Variants in DMD observed in about 807,000 individuals in gnomAD.
DMD encodes the protein dystrophin.
DMD carries 63 observed loss-of-function variants against 330.1 expected under a neutral mutation model. The ratio of observed to expected loss-of-function variants is 0.19; its 90% confidence interval spans 0.16 to 0.24. DMD has a LOEUF of 0.24. Ranked by LOEUF, DMD falls within the 10% of genes least tolerant of loss-of-function variation. The pLI is 1.00. For synonymous variants in DMD, 1,223 were observed against 959.8 expected (o/e 1.27, Z -5.07); for missense variants, 3,344 against 2,684.1 (o/e 1.25, Z -5.43).
intron 1 of DMD, among the ~76,000 whole-genome samples, chrX:33,166,780 T>TA (rs776146314): frequency 2.2e-4 from 24 of 107,637 alleles, no homozygotes; most frequent in Middle Eastern, 4.9e-3. Context: ...TATATATATA[T>TA]TTTTTTTCCT....
chrX:32,731,330 G>A (rs184371569), intron 7 of DMD, among the ~76,000 whole-genome samples: 6 of 112,495 alleles, frequency 5.3e-5, no homozygotes, highest in African/African-American at 1.9e-4. Context: ...CAGCAAGGCT[G>A]GGGGAGGGGC....
chrX:31,174,494 A>G (rs964388604), intron 71 of DMD, among the ~76,000 whole-genome samples: 2 of 111,505 alleles, frequency 1.8e-5, no homozygotes, highest in Non-Finnish European at 3.8e-5. Flanking sequence ...AAAAAAAACC[A>G]TCTGTTCTGA....
intron 44 of DMD, among the ~76,000 whole-genome samples, chrX:32,212,965 G>C (rs1440158669): frequency 9.0e-6 from 1 of 111,483 alleles, no homozygotes; most frequent in Non-Finnish European, 1.9e-5. Flanking sequence ...AGTATATTTT[G>C]AATGATAACA....
At chrX:31,819,173 T>C (rs2149421088) in intron 50 of DMD, among the ~76,000 whole-genome samples, 1 of 112,420 alleles carries the variant, frequency 8.9e-6, no homozygotes, top group Non-Finnish European at 1.9e-5. Context: ...TGAGAATTTA[T>C]GAATACCTTC....
chrX:31,508,111 C>T (rs2071130773), intron 55 of DMD: 4 of 671,475 alleles, frequency 6.0e-6, no homozygotes, highest in South Asian at 2.6e-5. Flanking sequence ...GTGGAAAGTA[C>T]ATAGGACCTT....
At chrX:32,911,577 A>G (rs771582245) in intron 2 of DMD, among the ~76,000 whole-genome samples, 1 of 111,996 alleles carries the variant, frequency 8.9e-6, no homozygotes. Context: ...AATTGTCTGC[A>G]TTTAAAACTT....
intron 19 of DMD, 45 bp from the exon 20 acceptor site, chrX:32,491,563 C>T: frequency 8.6e-7 from 1 of 1,160,777 alleles, no homozygotes; most frequent in Non-Finnish European, 1.2e-6. Flanking sequence ...AACCCACAGA[C>T]TGAAAGAAAT....
intron 1 of DMD, among the ~76,000 whole-genome samples, chrX:33,221,125 T>C (rs2052166489): frequency 8.9e-6 from 1 of 111,800 alleles, no homozygotes; most frequent in Non-Finnish European, 1.9e-5. Flanking sequence ...CAAATTCTCA[T>C]TTAAAACAAT....
chrX:33,280,936 C>T (rs1051266811), intron 1 of DMD, among the ~76,000 whole-genome samples: 1 of 111,293 alleles, frequency 9.0e-6, no homozygotes, highest in African/African-American at 3.3e-5. Flanking sequence ...TCTATACATC[C>T]TATATAATTT....
At chrX:32,103,164 A>G (rs559296660) in intron 44 of DMD, among the ~76,000 whole-genome samples, 2 of 111,496 alleles carry the variant, frequency 1.8e-5, no homozygotes, top group South Asian at 7.5e-4. Flanking sequence ...ATAGCTAATC[A>G]TTATTCCAGT....
At chrX:32,552,958 A>G (rs778481676) in intron 16 of DMD, among the ~76,000 whole-genome samples, 1 of 111,777 alleles carries the variant, frequency 8.9e-6, no homozygotes, top group Admixed American at 9.5e-5. Context: ...CGTTTATTGC[A>G]CTGCTGATAT....
At chrX:32,962,566 T>C (rs1402021660) in intron 2 of DMD, among the ~76,000 whole-genome samples, 1 of 111,552 alleles carries the variant, frequency 9.0e-6, no homozygotes, top group East Asian at 2.8e-4. Context: ...CTGAGCTTGG[T>C]TCTTTGTAGA....
intron 60 of DMD, among the ~76,000 whole-genome samples, chrX:31,376,595 C>G (rs980641090): frequency 1.8e-5 from 2 of 111,920 alleles, no homozygotes; most frequent in Non-Finnish European, 3.8e-5. Flanking sequence ...AAATTCCTGT[C>G]TAGCAAGAAT....
chrX:31,354,257 G>T (rs1367640898), intron 60 of DMD, among the ~76,000 whole-genome samples: 1 of 111,918 alleles, frequency 8.9e-6, no homozygotes, highest in African/African-American at 3.2e-5. Context: ...TTAGTTGAAT[G>T]AATTAATGTA....
intron 1 of DMD, among the ~76,000 whole-genome samples, chrX:33,313,516 A>T (rs2053881125): frequency 9.0e-6 from 1 of 111,435 alleles, no homozygotes; most frequent in African/African-American, 3.3e-5. Context: ...TAAGCAAAAG[A>T]TTTTTTTACA....
At chrX:33,047,274 G>A (rs2094395965) in intron 1 of DMD, among the ~76,000 whole-genome samples, 1 of 111,636 alleles carries the variant, frequency 9.0e-6, no homozygotes, top group Non-Finnish European at 1.9e-5. Flanking sequence ...CTATCTAAGG[G>A]AACATTACTG....
At chrX:32,761,366 T>C (rs929803543) in intron 7 of DMD, among the ~76,000 whole-genome samples, 4 of 111,992 alleles carry the variant, frequency 3.6e-5, no homozygotes, top group Admixed American at 1.9e-4. Context: ...GCTTCTAGAA[T>C]ACAAAGAATT....
At chrX:32,727,394 A>T (rs1485370354) in intron 7 of DMD, among the ~76,000 whole-genome samples, 1 of 111,207 alleles carries the variant, frequency 9.0e-6, no homozygotes, top group Non-Finnish European at 1.9e-5. Context: ...AGTTTATAAC[A>T]GAGCAGAACT....
At chrX:31,682,233 C>T (rs989263289) in intron 52 of DMD, among the ~76,000 whole-genome samples, 4 of 112,143 alleles carry the variant, frequency 3.6e-5, no homozygotes, top group Non-Finnish European at 7.5e-5. Flanking sequence ...TTATAGACTA[C>T]TGTTTTTTTA....
Sources: gnomAD v4.1 joint callset for allele counts (sites outside exome capture counted in the v4.1 genomes callset) on GRCh38, gnomAD v4.1.1 for gene constraint, MANE v1.5 for transcripts, NCBI Gene and HGNC (gene_info 2026-07-23, HGNC 2026-07-21) for gene names.